The following SYT12 variants were observed in gnomAD, a reference collection of about 807,000 sequenced individuals.
SYT12 encodes synaptotagmin-12.
A neutral mutation model predicts 39.5 loss-of-function variants in SYT12; 27 were observed. That is an observed-to-expected ratio of 0.68 (90% CI 0.50 to 0.94). The LOEUF is 0.94. SYT12 is among the 40% of genes least tolerant of loss of function. The pLI is 0.00. For missense variants in SYT12, 536 were observed against 572.6 expected, an observed-to-expected ratio of 0.94 and a Z score of 0.65; for synonymous variants, 233 against 239.7, an observed-to-expected ratio of 0.97 and a Z score of 0.26.
chr11:67,026,876 G>C (rs1006371626), intron 1 of SYT12: 2 of 152,214 alleles, frequency 1.3e-5, no homozygotes, highest in Non-Finnish European at 2.9e-5. Context: ...GCCCAGACTA[G>C]GGGTTAGGGG....
chr11:67,032,288 A>T (rs909129629), intron 2 of SYT12: 7 of 152,250 alleles, frequency 4.6e-5, no homozygotes, highest in African/African-American at 1.7e-4. Flanking sequence ...CAGAGCCACC[A>T]GCCCTCACTG....
rs751990007 is a variant in SYT12, at chr11:67,048,765, G to A, written c.*8G>A. The A allele has an allele frequency of 1.9e-6, 3 of 1,588,908 alleles. No individual in the cohort carries two copies. Among genetic ancestry groups the A allele is most frequent in the East Asian group, 4.5e-5 (2 of 44,134 alleles). The stretch of plus-strand genomic sequence containing the variant: ...GCTGTCCGGCGAAACTAGCAACCAG[G>A]GCGGGCCAGTTGGGCAATGGAGCTG... On this transcript the variant is annotated 3_prime_UTR_variant, in exon 8 of 8. Transcript: ENST00000527043.
chr11:67,021,253 T>C (rs1233588790), upstream of SYT12, among the ~76,000 whole-genome samples: 1 of 152,174 alleles, frequency 6.6e-6, no homozygotes, highest in Non-Finnish European at 1.5e-5. Context: ...AGATCTCTCA[T>C]TTCAAGCTCA....
intron 3 of SYT12, among the ~76,000 whole-genome samples, chr11:67,017,360 A>ATTTTTTTTTTTTTTTTTTTTTTTTTTT (rs11444184): frequency 7.2e-6 from 1 of 139,524 alleles, no homozygotes; most frequent in Admixed American, 7.3e-5. Context: ...CATTTCTACA[A>ATTTTTTTTTTTTTTTTTTTTTTTTTTT]TTTTTTTTTT....
At position 67,017,731 on chromosome 11, in the gene SYT12, G is replaced by C. The variant is rs933652391; in HGVS notation, c.-68-4138G>C. Reference sequence around the variant, plus strand: ...TCCCAGCACTTTGGGAGGCCAAGACGGGTGGATCACCTGAGGTCAGGAGTT... The same window carrying C: ...TCCCAGCACTTTGGGAGGCCAAGACCGGTGGATCACCTGAGGTCAGGAGTT... On this transcript the variant is annotated intron_variant, in intron 3 of 10. Coordinates refer to the SYT12 transcript ENST00000393946. Among the ~76,000 whole-genome samples the C allele has an allele frequency of 6.0e-5, 9 of 151,004 alleles. No homozygotes were observed. In the South Asian group the frequency reaches 1.9e-3, roughly 32 times the overall value.
chr11:67,048,749 C>T lies in SYT12; in HGVS notation c.1258C>T (p.Arg420Ter), dbSNP rs1306066704. The T allele has an allele frequency of 8.8e-6, 14 of 1,593,418 alleles. No individual in the cohort carries two copies. The highest frequency in any genetic ancestry group is 2.3e-5 in the East Asian group (1 of 44,286). Residue 420 changes from arginine to a stop codon, truncating the protein, a stop_gained, in exon 8 of 8, where the codon CGA (arginine) becomes TGA (stop). Coordinates refer to ENST00000527043, the MANE Select transcript of SYT12 (RefSeq NM_177963.4). LOFTEE classifies it high-confidence loss of function. ...CGTGTCCATGTGGCACGCTGTCCGG[C>T]GAAACTAGCAACCAGGGCGGGCCAG... is the stretch of plus-strand genomic sequence containing the variant. ...RPVSMWHAVR[R>*]N is the part of the protein sequence containing the mutation.
intron 3 of SYT12, among the ~76,000 whole-genome samples, chr11:67,013,189 A>G (rs1950026136): frequency 6.6e-6 from 1 of 152,222 alleles, no homozygotes; most frequent in Non-Finnish European, 1.5e-5. Flanking sequence ...TTCAGGGACC[A>G]CCCATAACAT....
At chr11:67,019,376 G>C (rs573866528), upstream of SYT12, among the ~76,000 whole-genome samples, 1 of 152,126 alleles carries the variant, frequency 6.6e-6, no homozygotes, top group South Asian at 2.1e-4. Context: ...GGAGATTCAG[G>C]CAGGAGAATC....
At chr11:67,008,270 T>C (rs1286126430) in intron 1 of SYT12, among the ~76,000 whole-genome samples, 1 of 152,122 alleles carries the variant, frequency 6.6e-6, no homozygotes, top group Non-Finnish European at 1.5e-5. Context: ...CCCTTCTTAA[T>C]CTGATTTTTC....
chr11:67,040,382 G>A (rs1247463627), intron 4 of SYT12, among the ~76,000 whole-genome samples, 179 bp downstream of exon 4: 3 of 152,160 alleles, frequency 2.0e-5, no homozygotes, highest in Non-Finnish European at 2.9e-5. Context: ...CTGGGAGGTG[G>A]GGGGCTCCAC....
chr11:67,045,294 G>A (rs76921259), intron 6 of SYT12, among the ~76,000 whole-genome samples: 56 of 152,062 alleles, frequency 3.7e-4, no homozygotes, highest in South Asian at 1.5e-3. Context: ...GGGTAGGTGG[G>A]GGGGGCAGCT....
upstream of SYT12, among the ~76,000 whole-genome samples, chr11:67,018,142 A>G (rs575565933): frequency 2.0e-5 from 3 of 152,076 alleles, no homozygotes; most frequent in African/African-American, 7.2e-5. Context: ...ATGTGCCTGT[A>G]ATCCCAACTA....
intron 3 of SYT12, among the ~76,000 whole-genome samples, chr11:67,016,883 G>A (rs776140027): frequency 3.3e-5 from 5 of 152,150 alleles, no homozygotes; most frequent in African/African-American, 9.7e-5. Flanking sequence ...TCATAAAGTG[G>A]GATCATCTGC....
intron 1 of SYT12, chr11:67,026,733 A>G (rs1950186210): frequency 6.6e-6 from 1 of 151,764 alleles, no homozygotes. Context: ...CTCCCACACC[A>G]GCCTCCCCAG....
chr11:67,048,333 G>T (rs553760527), intron 7 of SYT12, among the ~76,000 whole-genome samples: 5 of 151,932 alleles, frequency 3.3e-5, no homozygotes, highest in Non-Finnish European at 7.4e-5. Context: ...TGGCAGGCAG[G>T]TGCTGCCACT....
At chr11:67,044,439 C>T (rs920064994) in intron 5 of SYT12, among the ~76,000 whole-genome samples, 154 bp from the exon 6 acceptor site, 4 of 152,090 alleles carry the variant, frequency 2.6e-5, no homozygotes, top group Admixed American at 1.3e-4. Context: ...CCAGGCTGTC[C>T]CTGCCTGCCT....
At chr11:67,014,124 C>T (rs1047474082) in intron 3 of SYT12, among the ~76,000 whole-genome samples, 2 of 152,186 alleles carry the variant, frequency 1.3e-5, no homozygotes, top group African/African-American at 2.4e-5. Context: ...AAAGTGATTA[C>T]AGCTTGAGAT....
chr11:67,017,180 G>T (rs1384629233), intron 3 of SYT12, among the ~76,000 whole-genome samples: 1 of 152,084 alleles, frequency 6.6e-6, no homozygotes, highest in Non-Finnish European at 1.5e-5. Flanking sequence ...GGTAATTCAA[G>T]TTCATGTCTT....
chr11:67,037,290 A>G (rs1275034008), intron 3 of SYT12, among the ~76,000 whole-genome samples: 1 of 152,190 alleles, frequency 6.6e-6, no homozygotes, highest in East Asian at 1.9e-4. Flanking sequence ...CAGGATTTTA[A>G]GAAGGCTATT....
Sources: allele counts gnomAD v4.1 joint callset (sites outside exome capture counted in the v4.1 genomes callset), GRCh38; gene constraint gnomAD v4.1.1; transcripts MANE v1.5; gene names NCBI Gene and HGNC (gene_info 2026-07-23, HGNC 2026-07-21).